COL2A1: variants seen among roughly 807,000 people sequenced by gnomAD.
COL2A1 encodes collagen alpha-1(II) chain.
Under a neutral mutation model 204.5 loss-of-function variants are expected in COL2A1, and 28 were observed. The observed-to-expected ratio is 0.14, with a 90% CI of 0.10 to 0.19. The LOEUF (loss-of-function observed/expected upper bound fraction) is 0.19, where lower values mean the gene tolerates loss of function less well. Ranked by LOEUF, COL2A1 falls within the 10% of genes least tolerant of loss-of-function variation. The pLI, the probability that COL2A1 is intolerant of heterozygous loss-of-function variation, is 1.00. For synonymous variants in COL2A1, 708 were observed against 718.7 expected, an observed-to-expected ratio of 0.99 and a Z score of 0.24; for missense variants, 1,388 against 2,027.5, an observed-to-expected ratio of 0.68 and a Z score of 6.06.
rs1455358247 is a variant in COL2A1 at position 47,978,568 on chromosome 12, C to T, written c.2895+29G>A. The stretch of plus-strand genomic sequence containing the variant: ...CCACTCACGACCCTGCTCCCAGGGA[C>T]CTTGGCATGGGCCTGGTGAGGGACT... On this transcript the variant is annotated intron_variant, in intron 42 of 53. Coordinates refer to ENST00000380518, the MANE Select transcript of COL2A1 (RefSeq NM_001844.5). This position sits in a 1 kb window ranked among gnomAD's most constrained non-coding sequence, Gnocchi z 5.5. 15 of 1,613,350 alleles carry T rather than the reference C, an allele frequency of 9.3e-6. No individual in the cohort carries two copies. The highest frequency in any genetic ancestry group is 1.3e-5 in the Non-Finnish European group (15 of 1,179,842).
chr12:47,998,171 C>T lies in COL2A1; in HGVS notation c.340G>A (p.Asp114Asn), dbSNP rs1940053470. ...GQKGEPGDIK[D>N]IVGPKGPPGP... ...GGGTGAGAATAATTTGCACTTACATCCTTGATGTCTCCAGGTTCTCCTTTC... is the reference window on the plus strand; with the variant it reads ...GGGTGAGAATAATTTGCACTTACATTCTTGATGTCTCCAGGTTCTCCTTTC... The change falls in exon 4 of 54, where the codon GAT (aspartate) becomes AAT (asparagine). Residue 114 changes from aspartate (D) to asparagine (N), a missense_variant and splice_region_variant. This residue lies in a region of COL2A1 where 201 missense variants were observed against 242.4 expected (regional missense o/e 0.83). Coordinates refer to ENST00000380518, the MANE Select transcript of COL2A1 (RefSeq NM_001844.5). 1 of 1,614,146 alleles carries T rather than the reference C, an allele frequency of 6.2e-7. No individual in the cohort carries two copies. Among genetic ancestry groups the T allele is most frequent in the Admixed American group, 1.7e-5 (1 of 60,020 alleles).
rs745788222 is a variant in COL2A1 at position 47,974,813 on chromosome 12, C to A, written c.3936G>T (p.Lys1312Asn). The A allele has an allele frequency of 1.2e-6, 2 of 1,614,204 alleles. No homozygotes were observed. The highest frequency in any genetic ancestry group is 1.7e-6 in the Non-Finnish European group (2 of 1,180,034). ...CGCCAGTCTCCATGTTGCAGAAAAC[C>A]TTCATGGCGTCCAAGGTGCAGCCTT... ...PNQGCTLDAM[K>N]VFCNMETGET... Residue 1312 changes from lysine to asparagine, a missense_variant, in exon 52 of 54, where the codon AAG (lysine) becomes AAT (asparagine). Lys to Asn is a moderately conservative substitution (Grantham distance 94). Coordinates refer to ENST00000380518, the MANE Select transcript of COL2A1 (RefSeq NM_001844.5).
At chr12:47,975,021 G>A (rs1435985856) in intron 51 of COL2A1, among the ~76,000 whole-genome samples, 159 bp from the exon 52 acceptor site, 1 of 152,162 alleles carries the variant, frequency 6.6e-6, no homozygotes, top group Non-Finnish European at 1.5e-5. Flanking sequence ...AGGATGCAGG[G>A]GCAGGGAGAT....
Position 47,973,690 on chromosome 12 carries a change from G to A in COL2A1, c.4318-137C>T, listed in dbSNP as rs558552934. The A allele has an allele frequency of 3.3e-4, 342 of 1,029,772 alleles. 1 individual carries two copies. Among genetic ancestry groups the A allele is most frequent in the Middle Eastern group, 1.4e-3 (5 of 3,466 alleles). The allele number at this position is 1,029,772 out of a possible 1,614,324, so 63.8% of individuals were successfully genotyped here. On this transcript the variant is annotated intron_variant, in intron 53 of 53. Transcript: ENST00000380518. Reference sequence around the variant, plus strand: ...TGAACCACACTGAGGGGGCTCCTGAGACCTCTTCTTGGCTTGCCAAAGGCC... The same window carrying A: ...TGAACCACACTGAGGGGGCTCCTGAAACCTCTTCTTGGCTTGCCAAAGGCC...
chr12:47,981,502 G>T, intron 36 of COL2A1, 106 bp from the exon 37 acceptor site: 1 of 1,048,392 alleles, frequency 9.5e-7, no homozygotes. Context: ...GGGGGCTCCA[G>T]GTCCCCCTGG....
In COL2A1 at chr12:48,004,305, G is replaced by C; in HGVS notation, c.17C>G (p.Ala6Gly). The C allele has an allele frequency of 6.5e-7, 1 of 1,548,926 alleles. No homozygotes were observed. The highest frequency in any genetic ancestry group is 2.4e-5 in the East Asian group (1 of 40,876). The change falls in exon 1 of 54, where the codon GCT (alanine) becomes GGT (glycine). Residue 6 changes from alanine to glycine, a missense_variant. This residue lies in a region of COL2A1 where 201 missense variants were observed against 242.4 expected (regional missense o/e 0.83). Coordinates refer to ENST00000380518, the MANE Select transcript of COL2A1 (RefSeq NM_001844.5). MIRLG[A>G]PQTLVLLTLL... ...CGTCAGCAGCACCAGCGTCTGGGGA[G>C]CCCCGAGGCGAATCATGGCTCACCG...
At chr12:47,999,071 T>A (rs1379423860) in intron 2 of COL2A1, among the ~76,000 whole-genome samples, 1 of 152,106 alleles carries the variant, frequency 6.6e-6, no homozygotes, top group Non-Finnish European at 1.5e-5. Context: ...GTTGGTGAAG[T>A]GTTAAGGAAA....
At chr12:47,982,213 G>A in intron 34 of COL2A1, 53 bp from the exon 35 acceptor site, 1 of 1,512,622 alleles carries the variant, frequency 6.6e-7, no homozygotes, top group South Asian at 1.1e-5. Flanking sequence ...GACCCCCATG[G>A]TTTGCTCAGT....
chr12:47,998,387 G>T, intron 3 of COL2A1, 28 bp downstream of exon 3: 1 of 1,581,746 alleles, frequency 6.3e-7, no homozygotes, highest in Non-Finnish European at 8.6e-7. Flanking sequence ...AAAAAAATAT[G>T]AAAAAAGAAA....
chr12:47,982,000 C>G, intron 35 of COL2A1, 107 bp downstream of exon 35: 1 of 1,336,518 alleles, frequency 7.5e-7, no homozygotes, highest in South Asian at 1.2e-5. Context: ...CCGACAGAGA[C>G]AGGACCAGGG....
Position 47,977,993 on chromosome 12 carries a change from G to C in COL2A1, c.3111+17C>G. ...CTCTCCCCAATCAGGGCCACCCCAG[G>C]GGGTCTCACTGCTCACCTCTCGTCC... On this transcript the variant is annotated intron_variant, in intron 44 of 53. Transcript: ENST00000380518. The C allele has an allele frequency of 6.2e-7, 1 of 1,610,030 alleles. No homozygotes were observed. Among genetic ancestry groups the C allele is most frequent in the Non-Finnish European group, 8.5e-7 (1 of 1,177,246 alleles).
intron 16 of COL2A1, among the ~76,000 whole-genome samples, 158 bp downstream of exon 16, chr12:47,992,720 C>T (rs1221454031): frequency 6.6e-6 from 1 of 152,184 alleles, no homozygotes; most frequent in Non-Finnish European, 1.5e-5. Context: ...TGTGCAGACT[C>T]AGCCTGGGAA....
rs182598943 is a variant in COL2A1, at chr12:47,985,896, C to T, written c.1581+16G>A. 56 of 1,557,236 alleles carry T rather than the reference C, an allele frequency of 3.6e-5. No homozygotes were observed. The African/African-American group carries it at 7.4e-4, about 20-fold the overall frequency. ...GCGATGCAGGGAGGGACCCCAGCCC[C>T]TCTTCTCCCACTCACCTTGGGACCT... On this transcript the variant is annotated intron_variant, in intron 24 of 53. Transcript: ENST00000380518.
At chr12:47,992,298 C>T (rs1939743917) in intron 16 of COL2A1, among the ~76,000 whole-genome samples, 2 of 152,150 alleles carry the variant, frequency 1.3e-5, no homozygotes, top group Admixed American at 1.3e-4. Context: ...AGCTATTTCA[C>T]CTTTCTGTGT....
intron 36 of COL2A1, among the ~76,000 whole-genome samples, 153 bp downstream of exon 36, chr12:47,981,623 C>T (rs1248263651): frequency 1.3e-5 from 2 of 151,976 alleles, no homozygotes; most frequent in African/African-American, 4.8e-5. Flanking sequence ...CTGCCAGCGG[C>T]TTCACTTCTG....
chr12:47,979,303 C>A (rs1938906069), intron 41 of COL2A1, among the ~76,000 whole-genome samples: 1 of 152,194 alleles, frequency 6.6e-6, no homozygotes, highest in Admixed American at 6.5e-5. Context: ...GCCAGCAGGG[C>A]AGCCACCCAT....
At position 47,993,836 on chromosome 12, in the gene COL2A1, C is replaced by T. The variant is rs1592229736; in HGVS notation, c.897G>A (p.Lys299=). The T allele has an allele frequency of 2.5e-6, 4 of 1,614,204 alleles. No individual in the cohort carries two copies. Among genetic ancestry groups the T allele is most frequent in the East Asian group, 2.2e-5 (1 of 44,880 alleles). The change falls in exon 14 of 54, where the codon AAG becomes AAA. Residue 299 remains lysine (K), a synonymous_variant. Coordinates refer to ENST00000380518, the MANE Select transcript of COL2A1 (RefSeq NM_001844.5). ...HRGYPGLDGA[K]GEAGAPGVKG... Reference sequence around the variant, plus strand: ...TCACACCAGGAGCACCCGCCTCTCCCTTAGCACCGTCCAGGCCTGGATAAC... The same window carrying T: ...TCACACCAGGAGCACCCGCCTCTCCTTTAGCACCGTCCAGGCCTGGATAAC...
At chr12:47,990,002 TA>T (rs745802563) in intron 16 of COL2A1, among the ~76,000 whole-genome samples, 197 bp from the exon 17 acceptor site, 64 of 112,508 alleles carry the variant, frequency 5.7e-4, no homozygotes, top group Non-Finnish European at 9.9e-4. Context: ...GGGCTTCTTC[TA>T]ATCTTTTTTT....
chr12:47,982,952 G>T lies in COL2A1; in HGVS notation c.2095-6C>A. On this transcript the variant is annotated splice_polypyrimidine_tract_variant and splice_region_variant and intron_variant, in intron 32 of 53. Coordinates refer to ENST00000380518, the MANE Select transcript of COL2A1 (RefSeq NM_001844.5). ...CCTGGGAAACCTCGTTCACCCTGCG[G>T]CAGAGACACCAAGAAGTGATCAACC... is the stretch of plus-strand genomic sequence containing the variant. 2 of 1,613,574 alleles carry T rather than the reference G, an allele frequency of 1.2e-6. No homozygotes were observed. Among genetic ancestry groups the T allele is most frequent in the Non-Finnish European group, 1.7e-6 (2 of 1,179,860 alleles).
Sources: allele counts gnomAD v4.1 joint callset (sites outside exome capture counted in the v4.1 genomes callset), GRCh38; gene constraint gnomAD v4.1.1; regional missense constraint gnomAD v4.1.1; non-coding constraint Gnocchi (gnomAD v3.1); transcripts MANE v1.5; gene names NCBI Gene and HGNC (gene_info 2026-07-23, HGNC 2026-07-21).